The following CDKL5 variants were observed in gnomAD, a reference collection of about 807,000 sequenced individuals.
CDKL5 encodes cyclin dependent kinase like 5, also known as cyclin-dependent kinase-like 5.
Under a neutral mutation model 61.7 loss-of-function variants are expected in CDKL5, and 8 were observed. That is an observed-to-expected ratio of 0.13 (90% CI 0.08 to 0.23). The LOEUF (loss-of-function observed/expected upper bound fraction) is 0.23, where lower values mean the gene tolerates loss of function less well. CDKL5 is among the 10% of genes least tolerant of loss of function. The probability of loss-of-function intolerance (pLI) is 1.00; values close to 1 mark genes in which losing one functional copy is unlikely to be tolerated. For synonymous variants in CDKL5, 275 were observed against 272.3 expected (o/e 1.01, Z -0.10); for missense variants, 440 against 734.5 (o/e 0.60, Z 4.63).
At position 18,603,941 on chromosome X, in the gene CDKL5, C is replaced by T. The variant is rs1448460403; in HGVS notation, c.1017C>T (p.His339=). The part of the protein sequence containing the change: ...AGKSTALQSH[H]RSNSKDIQNL... ...AAAGTACTGCTTTGCAGTCTCACCACAGATCTAACAGCAAGGACATCCAGA... is the reference window on the plus strand; with the variant it reads ...AAAGTACTGCTTTGCAGTCTCACCATAGATCTAACAGCAAGGACATCCAGA... Residue 339 remains histidine (H), a synonymous_variant, in exon 12 of 18, where the codon CAC becomes CAT. Coordinates refer to ENST00000623535, the MANE Select transcript of CDKL5 (RefSeq NM_001323289.2). 2 of 1,210,173 alleles carry T rather than the reference C, an allele frequency of 1.7e-6. No individual in the cohort carries two copies. The highest frequency in any genetic ancestry group is 3.0e-5 in the East Asian group (1 of 33,834).
At chrX:18,551,605 T>TTATTATTA (rs1924391865) in intron 3 of CDKL5, among the ~76,000 whole-genome samples, 3 of 44,989 alleles carry the variant, frequency 6.7e-5, no homozygotes, top group African/African-American at 1.9e-4. Context: ...TATTATTATT[T>TTATTATTA]GAGACAGAGT....
At chrX:18,613,323 T>G (rs770940060) in intron 15 of CDKL5, 48 bp downstream of exon 15, 2 of 1,134,007 alleles carry the variant, frequency 1.8e-6, no homozygotes, top group Non-Finnish European at 2.4e-6. Flanking sequence ...AATTGTAGAT[T>G]TAAGAGTTGA....
intron 1 of CDKL5, among the ~76,000 whole-genome samples, chrX:18,440,950 C>T (rs1931726232): frequency 9.0e-6 from 1 of 111,029 alleles, no homozygotes; most frequent in Non-Finnish European, 1.9e-5. Context: ...TAGTAATGTC[C>T]GAAAGAACCA....
chrX:18,426,084 C>A (rs1931359975), intron 1 of CDKL5: 1 of 112,477 alleles, frequency 8.9e-6, no homozygotes, highest in South Asian at 3.6e-4. Context: ...GCGAGGTAAG[C>A]CCCTTCCCGC....
At position 18,632,447 on chromosome X, in the gene CDKL5, C is replaced by G; in HGVS notation, c.*3690C>G. The stretch of plus-strand genomic sequence containing the variant: ...TTTTTACCAACTGCTCAAAGGCATC[C>G]GTGGCTTTCAGCTGTGTCTCCCGAA... On this transcript the variant is annotated 3_prime_UTR_variant, in exon 18 of 18. Transcript: ENST00000623535. The G allele has an allele frequency of 1.3e-6, 1 of 753,305 alleles. No individual in the cohort carries two copies. Among genetic ancestry groups the G allele is most frequent in the Non-Finnish European group, 1.6e-6 (1 of 638,450 alleles). The allele number at this position is 753,305 out of a possible 1,213,427, so 62.1% of individuals were successfully genotyped here. A position where few individuals can be genotyped will look rare whatever the true frequency, so the allele number is the denominator to read the frequency against.
At chrX:18,541,981 G>A (rs190700648) in intron 3 of CDKL5, among the ~76,000 whole-genome samples, 102 of 111,973 alleles carry the variant, frequency 9.1e-4, no homozygotes, top group African/African-American at 2.9e-3. Flanking sequence ...GCTGGCACCT[G>A]TTAGTCTTTT....
chrX:18,489,107 C>T, intron 1 of CDKL5, among the ~76,000 whole-genome samples: 1 of 111,110 alleles, frequency 9.0e-6, no homozygotes, highest in Non-Finnish European at 1.9e-5. Flanking sequence ...AGAATACTGT[C>T]TGGCACCTTT....
chrX:18,510,425 G>A (rs1269776773), intron 2 of CDKL5, among the ~76,000 whole-genome samples: 2 of 112,404 alleles, frequency 1.8e-5, no homozygotes, highest in Admixed American at 1.9e-4. Flanking sequence ...AAAGTGCTGG[G>A]ATTATAGGCG....
intron 3 of CDKL5, among the ~76,000 whole-genome samples, chrX:18,525,999 G>A (rs1923427132): frequency 9.1e-6 from 1 of 110,455 alleles, no homozygotes; most frequent in Non-Finnish European, 1.9e-5. Context: ...CACCCGCCTG[G>A]GCCTCCCAAA....
intron 1 of CDKL5, among the ~76,000 whole-genome samples, chrX:18,467,010 T>C (rs1569188892): frequency 8.9e-6 from 1 of 111,783 alleles, no homozygotes; most frequent in Admixed American, 9.5e-5. Context: ...GGTAATGTTT[T>C]CCAGAGGAAA....
intron 1 of CDKL5, among the ~76,000 whole-genome samples, chrX:18,431,414 A>ATTTCT (rs1445191825): frequency 5.8e-5 from 6 of 103,907 alleles, no homozygotes; most frequent in African/African-American, 2.1e-4. Flanking sequence ...AATTTTGTTG[A>ATTTCT]TTTCTTTTCT....
chrX:18,449,147 G>A (rs566236292), intron 1 of CDKL5, among the ~76,000 whole-genome samples: 1 of 112,656 alleles, frequency 8.9e-6, no homozygotes, highest in African/African-American at 3.2e-5. Flanking sequence ...GAGCCACTGC[G>A]CCCGGCCTGA....
Position 18,492,466 on chromosome X carries a change from C to T in CDKL5, c.-162-14469C>T, listed in dbSNP as rs1330009862. On this transcript the variant is annotated intron_variant, in intron 1 of 17. Transcript: ENST00000623535. ...TTCCATTTTTATGGATATCTAAACT[C>T]AACCTTAACTTGACAAATGGAACCT... Among the ~76,000 whole-genome samples, 9 of 111,299 alleles carry T rather than the reference C, an allele frequency of 8.1e-5. No individual in the cohort carries two copies. In the Admixed American group the frequency reaches 8.6e-4, roughly 11 times the overall value.
intron 1 of CDKL5, among the ~76,000 whole-genome samples, chrX:18,502,900 G>T (rs929234435): frequency 9.0e-6 from 1 of 111,333 alleles, no homozygotes; most frequent in Non-Finnish European, 1.9e-5. Context: ...GGAGGGTGTT[G>T]CTTCTACTTG....
intron 1 of CDKL5, among the ~76,000 whole-genome samples, chrX:18,479,462 G>A (rs781140089): frequency 8.3e-5 from 9 of 108,107 alleles, no homozygotes; most frequent in African/African-American, 2.7e-4. Context: ...TGGGACTACA[G>A]GCACCCGCCA....
At chrX:18,431,822 T>A in intron 1 of CDKL5, among the ~76,000 whole-genome samples, 1 of 111,343 alleles carries the variant, frequency 9.0e-6, no homozygotes. Flanking sequence ...TGACTATCAT[T>A]ACAATCCAGT....
At chrX:18,488,266 T>C (rs1921862378) in intron 1 of CDKL5, among the ~76,000 whole-genome samples, 1 of 111,339 alleles carries the variant, frequency 9.0e-6, no homozygotes, top group Admixed American at 9.6e-5. Flanking sequence ...TGCCAACTCA[T>C]AATGGCAAGC....
intron 1 of CDKL5, among the ~76,000 whole-genome samples, chrX:18,466,464 T>C (rs1920962129): frequency 8.9e-6 from 1 of 111,791 alleles, no homozygotes; most frequent in Non-Finnish European, 1.9e-5. Flanking sequence ...AAAAAATTCT[T>C]CCAAGTAGTG....
At chrX:18,525,786 G>C (rs1260798999) in intron 3 of CDKL5, among the ~76,000 whole-genome samples, 1 of 89,254 alleles carries the variant, frequency 1.1e-5, no homozygotes, top group African/African-American at 4.3e-5. Context: ...TCACTCTGTT[G>C]CCCAGGCTGG....
Sources: allele counts gnomAD v4.1 joint callset (sites outside exome capture counted in the v4.1 genomes callset), GRCh38; gene constraint gnomAD v4.1.1; transcripts MANE v1.5; gene names NCBI Gene and HGNC (gene_info 2026-07-23, HGNC 2026-07-21).